The following PRKAR1B variants were observed in gnomAD, a reference collection of about 807,000 sequenced individuals.
PRKAR1B encodes protein kinase cAMP-dependent type I regulatory subunit beta, also known as cAMP-dependent protein kinase type I-beta regulatory subunit.
Under a neutral mutation model 46.5 loss-of-function variants are expected in PRKAR1B, and 22 were observed. The ratio of observed to expected loss-of-function variants is 0.47; its 90% confidence interval spans 0.34 to 0.68. The LOEUF (loss-of-function observed/expected upper bound fraction) is 0.68. Ranked by LOEUF, PRKAR1B falls within the 30% of genes least tolerant of loss-of-function variation. The pLI is 0.01. For synonymous variants in PRKAR1B, 259 were observed against 217.7 expected, an observed-to-expected ratio of 1.19 and a Z score of -1.67; for missense variants, 445 against 535.6, an observed-to-expected ratio of 0.83 and a Z score of 1.67.
intron 1 of PRKAR1B, chr7:712,982 C>T (rs1780741438): frequency 6.6e-6 from 1 of 152,396 alleles, no homozygotes; most frequent in African/African-American, 2.4e-5. Context: ...CCAGGTGACT[C>T]CCAGCGCTTA....
intron 1 of PRKAR1B, among the ~76,000 whole-genome samples, chr7:711,856 C>T (rs890110975): frequency 2.8e-4 from 43 of 151,818 alleles, no homozygotes; most frequent in Admixed American, 1.7e-3. Flanking sequence ...GGGCCCGGCG[C>T]CCTGAGGGTC....
At chr7:582,704 C>A (rs986879368) in intron 8 of PRKAR1B, among the ~76,000 whole-genome samples, 2 of 152,186 alleles carry the variant, frequency 1.3e-5, no homozygotes, top group African/African-American at 4.8e-5. Flanking sequence ...CTGCAGCAAC[C>A]GTTGTCTCGA....
intron 9 of PRKAR1B, among the ~76,000 whole-genome samples, chr7:562,815 T>C (rs1019110633): frequency 6.6e-6 from 1 of 152,120 alleles, no homozygotes; most frequent in Non-Finnish European, 1.5e-5. Context: ...CCCCCAACCA[T>C]GACTCCCTCC....
chr7:601,473 C>A (rs1389918761), intron 6 of PRKAR1B, among the ~76,000 whole-genome samples: 1 of 152,252 alleles, frequency 6.6e-6, no homozygotes, highest in Non-Finnish European at 1.5e-5. Context: ...CAACATGCCA[C>A]TTTTTCATTC....
At chr7:668,575 G>C (rs771281940) in intron 4 of PRKAR1B, among the ~76,000 whole-genome samples, 12 of 152,320 alleles carry the variant, frequency 7.9e-5, no homozygotes, top group Non-Finnish European at 1.3e-4. Flanking sequence ...TTACAAAGAG[G>C]AGTTTTTAAG....
intron 2 of PRKAR1B, among the ~76,000 whole-genome samples, chr7:700,017 C>G (rs1028757948): frequency 6.6e-6 from 1 of 152,146 alleles, no homozygotes; most frequent in Non-Finnish European, 1.5e-5. Context: ...ACAGGCATAT[C>G]TGTGTGCCAG....
At chr7:603,907 A>C (rs1199421522) in intron 6 of PRKAR1B, among the ~76,000 whole-genome samples, 1 of 151,718 alleles carries the variant, frequency 6.6e-6, no homozygotes, top group Non-Finnish European at 1.5e-5. Context: ...CAGGACCCAG[A>C]GTGTGAACTA....
chr7:634,444 C>T (rs1347910647), intron 4 of PRKAR1B, among the ~76,000 whole-genome samples: 1 of 152,132 alleles, frequency 6.6e-6, no homozygotes, highest in Admixed American at 6.6e-5. Flanking sequence ...CATGACTGCA[C>T]TCCAGCCTGG....
intron 4 of PRKAR1B, among the ~76,000 whole-genome samples, chr7:668,193 A>C (rs1183596462): frequency 6.6e-6 from 1 of 152,250 alleles, no homozygotes; most frequent in Non-Finnish European, 1.5e-5. Flanking sequence ...AGAGAGAAGA[A>C]GAGCAGGCAG....
intron 4 of PRKAR1B, among the ~76,000 whole-genome samples, chr7:642,623 G>C (rs1472375654): frequency 2.0e-5 from 3 of 151,214 alleles, no homozygotes; most frequent in East Asian, 3.9e-4. Context: ...TACTTGGGAG[G>C]CTGAGGCAGG....
intron 2 of PRKAR1B, among the ~76,000 whole-genome samples, chr7:705,953 G>C (rs1363100635): frequency 6.6e-6 from 1 of 152,068 alleles, no homozygotes; most frequent in East Asian, 1.9e-4. Context: ...TTGAACCCAG[G>C]AGGCAGAGGT....
chr7:575,356 C>T (rs36037667), intron 9 of PRKAR1B, among the ~76,000 whole-genome samples: 6,126 of 152,290 alleles, frequency 0.04, 151 homozygotes, highest in East Asian at 0.12. Flanking sequence ...GGGAGCAGGG[C>T]TCCCAGAGGC....
chr7:558,319 C>G (rs1415605485), intron 9 of PRKAR1B, among the ~76,000 whole-genome samples: 1 of 109,568 alleles, frequency 9.1e-6, no homozygotes, highest in African/African-American at 3.7e-5. Context: ...GAGCGAGACC[C>G]TGTCTCAGGA....
intron 4 of PRKAR1B, among the ~76,000 whole-genome samples, chr7:628,566 G>A (rs1027037938): frequency 3.5e-4 from 54 of 152,212 alleles, no homozygotes; most frequent in South Asian, 4.1e-4. Flanking sequence ...GCAGGGGCTC[G>A]ATGGGACCAG....
At position 620,311 on chromosome 7, in the gene PRKAR1B, G is replaced by A. The variant is rs1040947602; in HGVS notation, c.441-12859C>T. On this transcript the variant is annotated intron_variant, in intron 4 of 10. Transcript: ENST00000537384. ...CAGACCGCCTCTCCCTATTCAGATCGTGTTTTATGTCCTTATAGAGGTTTA... is the reference window on the plus strand; with the variant it reads ...CAGACCGCCTCTCCCTATTCAGATCATGTTTTATGTCCTTATAGAGGTTTA... Among the ~76,000 whole-genome samples, 5 of 152,178 alleles carry A rather than the reference G, an allele frequency of 3.3e-5. No individual in the cohort carries two copies. In the East Asian group the frequency reaches 5.8e-4, roughly 18 times the overall value.
At chr7:620,658 C>T (rs1783063712) in intron 4 of PRKAR1B, among the ~76,000 whole-genome samples, 3 of 152,214 alleles carry the variant, frequency 2.0e-5, no homozygotes, top group Admixed American at 2.0e-4. Context: ...GTAAGTTGAG[C>T]TTGCACCAAC....
intron 7 of PRKAR1B, among the ~76,000 whole-genome samples, chr7:585,724 T>C (rs1022191435): frequency 4.6e-5 from 7 of 151,986 alleles, no homozygotes; most frequent in Admixed American, 3.9e-4. Flanking sequence ...CATACTTTTA[T>C]CCTTATTTTC....
At chr7:676,829 C>T (rs564315213) in intron 4 of PRKAR1B, among the ~76,000 whole-genome samples, 7 of 136,368 alleles carry the variant, frequency 5.1e-5, no homozygotes, top group South Asian at 2.4e-4. Context: ...CCTACCTCCC[C>T]GAGGGCAAGG....
chr7:665,467 G>C (rs1331695114), intron 4 of PRKAR1B, among the ~76,000 whole-genome samples: 2 of 152,192 alleles, frequency 1.3e-5, no homozygotes, highest in Non-Finnish European at 2.9e-5. Context: ...TACATCATCT[G>C]ATGCAAGCTT....
Sources: allele counts gnomAD v4.1 joint callset (sites outside exome capture counted in the v4.1 genomes callset), GRCh38; gene constraint gnomAD v4.1.1; transcripts MANE v1.5; gene names NCBI Gene and HGNC (gene_info 2026-07-23, HGNC 2026-07-21).